Variants in SH3BP2 observed in about 807,000 individuals in gnomAD.
SH3BP2 encodes SH3 domain binding protein 2.
Under a neutral mutation model 56.2 loss-of-function variants are expected in SH3BP2, and 38 were observed. The observed-to-expected ratio is 0.68, with a 90% CI of 0.52 to 0.89. The LOEUF (loss-of-function observed/expected upper bound fraction) is 0.89, where lower values mean the gene tolerates loss of function less well. Ranked by LOEUF, SH3BP2 falls within the 40% of genes least tolerant of loss-of-function variation. The pLI, the probability that SH3BP2 is intolerant of heterozygous loss-of-function variation, is 0.00. For synonymous variants in SH3BP2, 346 were observed against 316.7 expected, an observed-to-expected ratio of 1.09 and a Z score of -0.98; for missense variants, 748 against 762.6, an observed-to-expected ratio of 0.98 and a Z score of 0.23.
chr4:2,797,998 A>T (rs1723116665), intron 1 of SH3BP2, among the ~76,000 whole-genome samples: 1 of 152,174 alleles, frequency 6.6e-6, no homozygotes, highest in South Asian at 2.1e-4. Context: ...ATCAGATAAT[A>T]TCAGACTGTT....
rs577122937 is a variant in SH3BP2, at chr4:2,812,274, C to T, written c.-4-8340C>T. 4.9e-5 allele frequency: 76 copies of T among 1,539,802 alleles called. 1 individual carries two copies. Among genetic ancestry groups the T allele is most frequent in the East Asian group, 4.2e-4 (17 of 40,692 alleles). ...GAAGTCCCGGGTGGGGAGGAAGCAC[C>T]GGCGGCCACAGGCCTCAGAAGCAGC... On this transcript the variant is annotated intron_variant, in intron 1 of 12. Coordinates refer to ENST00000503393, the MANE Select transcript of SH3BP2 (RefSeq NM_001122681.2).
chr4:2,825,904 CT>C (rs1460008326), intron 5 of SH3BP2, among the ~76,000 whole-genome samples: 2 of 152,236 alleles, frequency 1.3e-5, no homozygotes, highest in African/African-American at 4.8e-5. Flanking sequence ...AGCAGATACT[CT>C]CTGGATTGGG....
intron 11 of SH3BP2, 80 bp from the exon 12 acceptor site, chr4:2,832,910 C>T (rs576803867): frequency 1.8e-5 from 26 of 1,429,360 alleles, no homozygotes; most frequent in East Asian, 1.1e-4. Flanking sequence ...GTTCTGCCCC[C>T]CTATCCCCAG....
intron 5 of SH3BP2, among the ~76,000 whole-genome samples, chr4:2,825,459 G>C (rs1033022019): frequency 2.1e-5 from 3 of 143,570 alleles, no homozygotes; most frequent in African/African-American, 5.0e-5. Flanking sequence ...CACACACACA[G>C]AGCAACACGT....
At chr4:2,816,880 T>C (rs1724024915) in intron 1 of SH3BP2, among the ~76,000 whole-genome samples, 1 of 152,246 alleles carries the variant, frequency 6.6e-6, no homozygotes, top group South Asian at 2.1e-4. Context: ...ATAAGGGATA[T>C]TGGTTTGTAG....
chr4:2,804,537 C>G (rs77425169), intron 1 of SH3BP2, among the ~76,000 whole-genome samples: 8,830 of 152,272 alleles, frequency 0.058, 347 homozygotes, highest in South Asian at 0.11. Flanking sequence ...CTTCCCCAGG[C>G]CTTCCTGTCC....
rs1479916117 is a variant in SH3BP2, at chr4:2,837,817, G to A, written c.*3983G>A. The A allele has an allele frequency of 1.3e-5, 2 of 152,470 alleles. No individual in the cohort carries two copies. The highest frequency in any genetic ancestry group is 4.8e-5 in the African/African-American group (2 of 41,434). 9.4% of individuals were successfully genotyped at this position (152,470 alleles called of 1,614,324 possible). A position where few individuals can be genotyped will look rare whatever the true frequency, so the allele number is the denominator to read the frequency against. ...ACTGCCTGCTGAGGGGGCAGTGCCA[G>A]GAGGTTGCCTGTCCTTGGGGAAGAG... On this transcript the variant is annotated 3_prime_UTR_variant, in exon 13 of 13. Coordinates refer to ENST00000503393, the MANE Select transcript of SH3BP2 (RefSeq NM_001122681.2).
In SH3BP2 at chr4:2,831,583, C is replaced by T. The variant is rs201959118; in HGVS notation, c.1254C>T (p.Pro418=). The T allele has an allele frequency of 1.9e-5, 30 of 1,588,988 alleles. No individual in the cohort carries two copies. The highest frequency in any genetic ancestry group is 3.3e-4 in the Middle Eastern group (2 of 6,030). Residue 418 remains proline, a synonymous_variant, in exon 9 of 13, where the codon CCC becomes CCT. Coordinates refer to ENST00000503393, the MANE Select transcript of SH3BP2 (RefSeq NM_001122681.2). The surrounding 1 kb of genome is among the most constrained non-coding windows in gnomAD (Gnocchi z 4.1). Reference sequence around the variant, plus strand: ...CCTGCCCCTCCAGGCGATCACCCCCCGATGGGCAGAGTTTCAGGAGCTTCT... The same window carrying T: ...CCTGCCCCTCCAGGCGATCACCCCCTGATGGGCAGAGTTTCAGGAGCTTCT... ...PQLPHLQRSP[P]DGQSFRSFSF... is the part of the protein sequence containing the mutation.
intron 1 of SH3BP2, among the ~76,000 whole-genome samples, chr4:2,803,799 G>T (rs983802956): frequency 2.0e-5 from 3 of 152,200 alleles, no homozygotes; most frequent in Non-Finnish European, 4.4e-5. Context: ...TCATGTGGAA[G>T]ATTGCTCCCA....
At chr4:2,808,373 G>C (rs1008152689) in intron 1 of SH3BP2, among the ~76,000 whole-genome samples, 58 of 152,222 alleles carry the variant, frequency 3.8e-4, no homozygotes, top group African/African-American at 1.4e-3. Context: ...AGGATGTGCT[G>C]CTTAACTTAG....
intron 1 of SH3BP2, among the ~76,000 whole-genome samples, chr4:2,811,043 G>A (rs743693): frequency 0.13 from 20,041 of 152,278 alleles, 1,523 homozygotes; most frequent in African/African-American, 0.21. Flanking sequence ...CCCATGCTAA[G>A]GAGGCCCCAG....
intron 1 of SH3BP2, among the ~76,000 whole-genome samples, chr4:2,819,372 CA>C (rs892030274): frequency 6.6e-6 from 1 of 151,848 alleles, no homozygotes; most frequent in African/African-American, 2.4e-5. Context: ...AGATGCACCC[CA>C]CCATGCCTGA....
chr4:2,827,011 G>A (rs574152582), intron 5 of SH3BP2: 57 of 678,058 alleles, frequency 8.4e-5, no homozygotes, highest in East Asian at 2.2e-4. Context: ...GTCTGTCAGC[G>A]TATCCATGTG....
rs1725319476 is a variant in SH3BP2, at chr4:2,838,784, G to C, written c.*4950G>C. Reference sequence around the variant, plus strand: ...GACAGTTGGTTTGTTTCTAGTTTGGGGTAACTACACACAATGCTGCTAGCA... The same window carrying C: ...GACAGTTGGTTTGTTTCTAGTTTGGCGTAACTACACACAATGCTGCTAGCA... On this transcript the variant is annotated 3_prime_UTR_variant, in exon 13 of 13. Transcript: ENST00000503393. The C allele has an allele frequency of 6.6e-6, 1 of 152,092 alleles. No individual in the cohort carries two copies. 9.4% of individuals were successfully genotyped at this position (152,092 alleles called of 1,614,324 possible).
chr4:2,826,573 TC>T (rs1297202809), intron 5 of SH3BP2: 2 of 305,508 alleles, frequency 6.5e-6, no homozygotes, highest in African/African-American at 4.6e-5. Flanking sequence ...TGCATGTTGC[TC>T]TGTGTGTGTG....
rs551214353 is a variant in SH3BP2 at position 2,814,961 on chromosome 4, C to T, written c.-4-5653C>T. Reference sequence around the variant, plus strand: ...CTGGAATGAATGAATGGAATTTAACCATCAGGTCCCTGGAAGAGGGGCTGG... The same window carrying T: ...CTGGAATGAATGAATGGAATTTAACTATCAGGTCCCTGGAAGAGGGGCTGG... On this transcript the variant is annotated intron_variant, in intron 1 of 12. Transcript: ENST00000503393. 2.6e-5 allele frequency: 4 copies of T among 152,444 alleles called. No individual in the cohort carries two copies. In the South Asian group the frequency reaches 8.3e-4, roughly 32 times the overall value. 9.4% of individuals were successfully genotyped at this position (152,444 alleles called of 1,614,324 possible). A position where few individuals can be genotyped will look rare whatever the true frequency, so the allele number is the denominator to read the frequency against.
Position 2,829,392 on chromosome 4 carries a change from C to T in SH3BP2, c.587-101C>T. On this transcript the variant is annotated intron_variant, in intron 7 of 12. Coordinates refer to ENST00000503393, the MANE Select transcript of SH3BP2 (RefSeq NM_001122681.2). This position sits in a 1 kb window ranked among gnomAD's most constrained non-coding sequence, Gnocchi z 4.9. ...TGGGCAGGCTGTGGGGTGGGCCTAC[C>T]ATGGGTTGCACTCCTGGTTGGCCTG... 1 of 1,283,030 alleles carries T rather than the reference C, an allele frequency of 7.8e-7. No individual in the cohort carries two copies. The highest frequency in any genetic ancestry group is 1.1e-6 in the Non-Finnish European group (1 of 882,042). 79.5% of individuals were successfully genotyped at this position (1,283,030 alleles called of 1,614,324 possible). A position where few individuals can be genotyped will look rare whatever the true frequency, so the allele number is the denominator to read the frequency against.
At position 2,830,105 on chromosome 4, in the gene SH3BP2, C is replaced by T; in HGVS notation, c.1199C>T (p.Ala400Val). ...GTGCCTGAGGCCATGGCGCGGCCCGCAGTCCTGCCCAGGCCAGAGAAGCCG... is the reference window on the plus strand; with the variant it reads ...GTGCCTGAGGCCATGGCGCGGCCCGTAGTCCTGCCCAGGCCAGAGAAGCCG... ...LPVPEAMARP[A>V]VLPRPEKPQL... The change falls in exon 8 of 13, where the codon GCA (alanine) becomes GTA (valine). Residue 400 changes from alanine to valine, a missense_variant. Ala to Val is a moderately conservative substitution (Grantham distance 64). Around this residue, in one of 3 missense-constraint regions of SH3BP2, gnomAD observed 635 missense variants for 615.0 expected, o/e 1.03. Coordinates refer to ENST00000503393, the MANE Select transcript of SH3BP2 (RefSeq NM_001122681.2). 3.7e-6 allele frequency: 6 copies of T among 1,605,352 alleles called. No individual in the cohort carries two copies. The highest frequency in any genetic ancestry group is 2.2e-5 in the South Asian group (2 of 90,932).
At chr4:2,801,738 G>T (rs1723289152) in intron 1 of SH3BP2, among the ~76,000 whole-genome samples, 3 of 152,204 alleles carry the variant, frequency 2.0e-5, no homozygotes, top group Non-Finnish European at 4.4e-5. Context: ...AGAAGCAGAA[G>T]GCAAGGGAAT....
Sources: allele counts gnomAD v4.1 joint callset (sites outside exome capture counted in the v4.1 genomes callset), GRCh38; gene constraint gnomAD v4.1.1; regional missense constraint gnomAD v4.1.1; non-coding constraint Gnocchi (gnomAD v3.1); transcripts MANE v1.5; gene names NCBI Gene and HGNC (gene_info 2026-07-23, HGNC 2026-07-21).